The following SEMA3D variants were observed in gnomAD, a reference collection of about 807,000 sequenced individuals.
The protein encoded by SEMA3D is semaphorin-3D.
A neutral mutation model predicts 100.1 loss-of-function variants in SEMA3D; 84 were observed. That is an observed-to-expected ratio of 0.84 (90% confidence interval 0.70 to 1.01). SEMA3D has a LOEUF of 1.01. SEMA3D is among the 50% of genes least tolerant of loss of function. The pLI is 0.00. For synonymous variants in SEMA3D, 312 were observed against 320.7 expected (o/e 0.97, Z 0.29); for missense variants, 875 against 934.1 (o/e 0.94, Z 0.82).
At chr7:85,057,459 A>C (rs1390501157) in intron 8 of SEMA3D, among the ~76,000 whole-genome samples, 1 of 152,198 alleles carries the variant, frequency 6.6e-6, no homozygotes, top group African/African-American at 2.4e-5. Flanking sequence ...GAAGCCAAAA[A>C]GTTTTAACAG....
At chr7:85,014,106 T>C (rs1443427981) in intron 16 of SEMA3D, among the ~76,000 whole-genome samples, 2 of 151,824 alleles carry the variant, frequency 1.3e-5, no homozygotes, top group South Asian at 4.1e-4. Flanking sequence ...TGTTGAACTA[T>C]ACATTCAATT....
the SEMA3D span, among the ~76,000 whole-genome samples, chr7:85,198,084 C>T: frequency 6.6e-6 from 1 of 152,116 alleles, no homozygotes; most frequent in Admixed American, 6.5e-5. Context: ...TGCTAAGATT[C>T]ATATAAAAAA....
intron 3 of SEMA3D, among the ~76,000 whole-genome samples, chr7:85,109,547 C>A (rs1789029296): frequency 6.6e-6 from 1 of 151,842 alleles, no homozygotes; most frequent in Admixed American, 6.6e-5. Flanking sequence ...CCCTTTATGA[C>A]CATCTTTATA....
At chr7:85,109,297 T>C (rs1446541049) in intron 3 of SEMA3D, among the ~76,000 whole-genome samples, 1 of 152,050 alleles carries the variant, frequency 6.6e-6, no homozygotes, top group African/African-American at 2.4e-5. Context: ...CTCAAACCTA[T>C]CTTTATCTTC....
intron 7 of SEMA3D, among the ~76,000 whole-genome samples, chr7:85,066,913 C>CATACACACACAGAG: frequency 1.6e-4 from 20 of 127,752 alleles, no homozygotes; most frequent in African/African-American, 4.4e-4. Flanking sequence ...CACACACACA[C>CATACACACACAGAG]AGAGAGAGAG....
At chr7:85,117,069 G>T (rs1171856866) in intron 3 of SEMA3D, among the ~76,000 whole-genome samples, 2 of 152,094 alleles carry the variant, frequency 1.3e-5, no homozygotes, top group Non-Finnish European at 2.9e-5. Context: ...GCAACCAATA[G>T]AATACTCTGG....
At chr7:85,063,537 C>T (rs1479096544) in intron 8 of SEMA3D, among the ~76,000 whole-genome samples, 1 of 152,160 alleles carries the variant, frequency 6.6e-6, no homozygotes, top group Non-Finnish European at 1.5e-5. Flanking sequence ...TGAGCTCTGT[C>T]TCATGTCCTT....
chr7:85,243,580 T>C, the SEMA3D span, among the ~76,000 whole-genome samples: 1 of 152,192 alleles, frequency 6.6e-6, no homozygotes, highest in African/African-American at 2.4e-5. Flanking sequence ...GACTTGCTGA[T>C]TTTTTAGTTT....
At chr7:85,087,674 A>G (rs1363516872) in intron 4 of SEMA3D, among the ~76,000 whole-genome samples, 1 of 152,198 alleles carries the variant, frequency 6.6e-6, no homozygotes, top group East Asian at 1.9e-4. Flanking sequence ...TTATGGGTCA[A>G]CACTGTTAAA....
chr7:85,025,437 T>C (rs892398265), intron 12 of SEMA3D, among the ~76,000 whole-genome samples: 7 of 152,012 alleles, frequency 4.6e-5, no homozygotes, highest in Middle Eastern at 6.3e-3. Context: ...TGTGATCATG[T>C]TATGCTTGGC....
chr7:85,009,032 T>C (rs2115762398), intron 17 of SEMA3D, among the ~76,000 whole-genome samples: 1 of 151,836 alleles, frequency 6.6e-6, no homozygotes, highest in East Asian at 1.9e-4. Flanking sequence ...AACCTTTTGG[T>C]CCCAGGCATT....
chr7:85,031,387 C>CA (rs1461061873), intron 12 of SEMA3D, among the ~76,000 whole-genome samples: 11 of 151,896 alleles, frequency 7.2e-5, no homozygotes, highest in Admixed American at 5.3e-4. Flanking sequence ...TCATAGAAAG[C>CA]AAAGTATTCA....
chr7:85,086,506 GTA>G (rs951097671), intron 4 of SEMA3D, among the ~76,000 whole-genome samples: 5 of 151,432 alleles, frequency 3.3e-5, no homozygotes, highest in Admixed American at 2.0e-4. Context: ...AGTGTTATAT[GTA>G]TATATATATC....
At chr7:85,153,119 C>G (rs1790476971) in intron 2 of SEMA3D, among the ~76,000 whole-genome samples, 1 of 152,122 alleles carries the variant, frequency 6.6e-6, no homozygotes, top group Non-Finnish European at 1.5e-5. Flanking sequence ...GTCCTCCCTG[C>G]AGAGCCCTAC....
At chr7:85,096,586 C>A (rs1372021326) in intron 4 of SEMA3D, among the ~76,000 whole-genome samples, 1 of 151,576 alleles carries the variant, frequency 6.6e-6, no homozygotes, top group Non-Finnish European at 1.5e-5. Flanking sequence ...TAAGTATGAG[C>A]CTTTATAAGA....
Position 85,084,125 on chromosome 7 carries a change from C to T in SEMA3D, c.313-2546G>A, listed in dbSNP as rs1269702678. Among the ~76,000 whole-genome samples, 7 of 151,578 alleles carry T rather than the reference C, an allele frequency of 4.6e-5. No individual in the cohort carries two copies. In the South Asian group the frequency reaches 6.3e-4, roughly 14 times the overall value. On this transcript the variant is annotated intron_variant, in intron 4 of 18. Transcript: ENST00000284136. ...TCGCGCCACTGCACCCCAGCCTGGGCGACAGAGCGAGACTCCATCTCAAAA... is the reference window on the plus strand; with the variant it reads ...TCGCGCCACTGCACCCCAGCCTGGGTGACAGAGCGAGACTCCATCTCAAAA...
chr7:85,166,350 C>A (rs1383479725), intron 1 of SEMA3D, among the ~76,000 whole-genome samples: 1 of 151,592 alleles, frequency 6.6e-6, no homozygotes, highest in Non-Finnish European at 1.5e-5. Flanking sequence ...AGTTAGAAAA[C>A]TAATAAAATA....
At chr7:85,227,146 T>G in the SEMA3D span, among the ~76,000 whole-genome samples, 1 of 152,254 alleles carries the variant, frequency 6.6e-6, no homozygotes. Flanking sequence ...AAAGTATTTC[T>G]GTAAATATTA....
chr7:85,146,521 T>G (rs568221134), intron 2 of SEMA3D, among the ~76,000 whole-genome samples: 6 of 151,572 alleles, frequency 4.0e-5, no homozygotes, highest in Admixed American at 3.9e-4. Context: ...GCCACTGCAC[T>G]CCAGCCTGGG....
Sources: allele counts gnomAD v4.1 joint callset (sites outside exome capture counted in the v4.1 genomes callset), GRCh38; gene constraint gnomAD v4.1.1; transcripts MANE v1.5; gene names NCBI Gene and HGNC (gene_info 2026-07-23, HGNC 2026-07-21).